LPA: variants seen among roughly 807,000 people sequenced by gnomAD.
The protein encoded by LPA is apolipoprotein(a).
LPA carries 199 observed loss-of-function variants against 197.9 expected under a neutral mutation model. The observed-to-expected ratio is 1.01, with a 90% CI of 0.90 to 1.13. The LOEUF (loss-of-function observed/expected upper bound fraction) is 1.13, where lower values mean the gene tolerates loss of function less well. Among genes scored for constraint, LPA ranks in the 50% most tolerant of loss-of-function variants. LPA has a pLI of 0.00. For synonymous variants in LPA, 715 were observed against 639.5 expected, an observed-to-expected ratio of 1.12 and a Z score of -1.78; for missense variants, 1,853 against 1,785.8, an observed-to-expected ratio of 1.04 and a Z score of -0.68.
rs1562320197 is a variant in LPA at position 160,556,020 on chromosome 6, C to T, written c.4973+5G>A. 6.3e-7 allele frequency: 1 copy of T among 1,594,942 alleles called. No homozygotes were observed. The highest frequency in any genetic ancestry group is 1.3e-5 in the African/African-American group (1 of 74,568). On this transcript the variant is annotated splice_donor_5th_base_variant and intron_variant, in intron 30 of 38. Transcript: ENST00000316300. ...CTCCTCTTACAAGTAACATCAAAGA[C>T]ATACTCATTTGGGTAGTTTTCTGGG...
intron 37 of LPA, among the ~76,000 whole-genome samples, chr6:160,534,616 T>C (rs1471896836): frequency 6.6e-6 from 1 of 152,184 alleles, no homozygotes; most frequent in African/African-American, 2.4e-5. Flanking sequence ...TTGACCTCCT[T>C]CTGAGAAGCT....
chr6:160,615,380 G>A (rs1233856102), intron 14 of LPA, among the ~76,000 whole-genome samples: 2 of 126,880 alleles, frequency 1.6e-5, no homozygotes, highest in South Asian at 5.5e-4. Context: ...GTGTGTGTGT[G>A]TGTGTAGCTC....
At chr6:160,604,989 A>G (rs1332559217) in intron 18 of LPA, 57 bp downstream of exon 18, 15 of 1,607,980 alleles carry the variant, frequency 9.3e-6, no homozygotes. Flanking sequence ...GCATGACTCT[A>G]CTAACAGAAA....
intron 1 of LPA, among the ~76,000 whole-genome samples, chr6:160,657,980 A>G (rs1157124160): frequency 6.6e-6 from 1 of 152,176 alleles, no homozygotes; most frequent in Admixed American, 6.5e-5. Context: ...GTCTAGAAGC[A>G]TTCAGGGGCA....
intron 1 of LPA, 78 bp downstream of exon 1, chr6:160,664,088 T>A (rs2315129): frequency 0.21 from 260,737 of 1,260,810 alleles, 35,278 homozygotes; most frequent in African/African-American, 0.51. Flanking sequence ...GAATTGCACA[T>A]AAAGCCATGG....
chr6:160,589,504 A>G, intron 24 of LPA, 49 bp downstream of exon 24: 1 of 1,607,358 alleles, frequency 6.2e-7, no homozygotes. Flanking sequence ...CTTCCAGGAG[A>G]AATTTAAGTG....
At chr6:160,606,902 C>T (rs138272117) in intron 16 of LPA, among the ~76,000 whole-genome samples, 42 of 152,304 alleles carry the variant, frequency 2.8e-4, no homozygotes, top group African/African-American at 9.4e-4. Flanking sequence ...CTTAGAAACA[C>T]TGAGATAATA....
At position 160,595,377 on chromosome 6, in the gene LPA, C is replaced by T; in HGVS notation, c.3446G>A (p.Ser1149Asn). ...ACCTTCTTCAGAAGAAGCCTCTGTG[C>T]TTGGATCTGGGACCACCGTGAGAGT... is the stretch of plus-strand genomic sequence containing the variant. Reference protein sequence around the residue: ...LATLTVVPDPSTEASSEEAPT... With the variant: ...LATLTVVPDPNTEASSEEAPT... The change falls in exon 21 of 39, where the codon AGC (serine) becomes AAC (asparagine). Residue 1149 changes from serine to asparagine, a missense_variant. Coordinates refer to ENST00000316300, the MANE Select transcript of LPA (RefSeq NM_005577.4). 6.2e-7 allele frequency: 1 copy of T among 1,612,954 alleles called. No homozygotes were observed. Among genetic ancestry groups the T allele is most frequent in the African/African-American group, 1.3e-5 (1 of 74,990 alleles).
Position 160,606,519 on chromosome 6 carries a change from T to C in LPA, c.2743A>G (p.Thr915Ala). 6.2e-7 allele frequency: 1 copy of C among 1,613,540 alleles called. No individual in the cohort carries two copies. Among genetic ancestry groups the C allele is most frequent in the South Asian group, 1.1e-5 (1 of 91,046 alleles). The change falls in exon 17 of 39, where the codon ACT (threonine) becomes GCT (alanine). Residue 915 changes from threonine to alanine, a missense_variant. Physicochemically the swap from Thr to Ala is moderately conservative, Grantham distance 58 (BLOSUM62 0). This residue lies in a region of LPA where 1,737 missense variants were observed against 1,504.4 expected (regional missense o/e 1.15). Transcript: ENST00000316300. ...TCTAGGCTTGGAATCGGGGTAATAGTTGGAGGCGCGACGGCAGTCCCTTCT... is the reference window on the plus strand; with the variant it reads ...TCTAGGCTTGGAATCGGGGTAATAGCTGGAGGCGCGACGGCAGTCCCTTCT... ...DAEGTAVAPP[T>A]ITPIPSLEAP...
At chr6:160,610,709 C>T (rs566634000) in intron 16 of LPA, among the ~76,000 whole-genome samples, 5 of 152,128 alleles carry the variant, frequency 3.3e-5, no homozygotes, top group Non-Finnish European at 7.3e-5. Context: ...TCCCAAACTC[C>T]AATCCCTCTC....
rs1434674471 is a variant in LPA, at chr6:160,589,683, C to T, written c.3817G>A (p.Asp1273Asn). The change falls in exon 24 of 39, where the codon GAC (aspartate) becomes AAC (asparagine). Residue 1273 changes from aspartate (D) to asparagine (N), a missense_variant. Transcript: ENST00000316300. Reference protein sequence around the residue: ...APTEQSPTVQDCYHGDGQSYR... With the variant: ...APTEQSPTVQNCYHGDGQSYR... ...CTCTGTCCATCACCATGGTAGCAGT[C>T]CTGGACTGTGGGGCTTTGCTCCGTT... 4 of 1,613,884 alleles carry T rather than the reference C, an allele frequency of 2.5e-6. No individual in the cohort carries two copies. The highest frequency in any genetic ancestry group is 3.4e-6 in the Non-Finnish European group (4 of 1,179,848).
At chr6:160,565,811 A>C (rs1261951532) in intron 28 of LPA, among the ~76,000 whole-genome samples, 2 of 152,206 alleles carry the variant, frequency 1.3e-5, no homozygotes, top group African/African-American at 4.8e-5. Flanking sequence ...AGACTAAAAT[A>C]AACAGCATAG....
At chr6:160,544,363 A>C (rs1236875050) in intron 33 of LPA, among the ~76,000 whole-genome samples, 2 of 152,198 alleles carry the variant, frequency 1.3e-5, no homozygotes, top group African/African-American at 4.8e-5. Context: ...AAAATAGAAC[A>C]AAAGCACCCA....
chr6:160,550,323 A>G (rs1778148301), intron 30 of LPA, among the ~76,000 whole-genome samples: 1 of 152,078 alleles, frequency 6.6e-6, no homozygotes, highest in Non-Finnish European at 1.5e-5. Context: ...CCAACCTCTC[A>G]GAATCCTCAC....
intron 19 of LPA, among the ~76,000 whole-genome samples, chr6:160,600,095 C>T (rs754135412): frequency 2.0e-5 from 3 of 152,136 alleles, no homozygotes; most frequent in African/African-American, 4.8e-5. Context: ...TGCATGTGTC[C>T]CTAGATGATT....
chr6:160,563,633 T>C (rs1433212809), intron 28 of LPA, among the ~76,000 whole-genome samples: 3 of 152,224 alleles, frequency 2.0e-5, no homozygotes, highest in Admixed American at 6.5e-5. Context: ...GTTAATTTTC[T>C]GTCACGTCGA....
chr6:160,646,839 G>T (rs1779889713), intron 2 of LPA, among the ~76,000 whole-genome samples: 1 of 150,302 alleles, frequency 6.7e-6, no homozygotes, highest in African/African-American at 2.5e-5. Context: ...ATTCTAATGT[G>T]GGAGTTGCAA....
At position 160,662,510 on chromosome 6, in the gene LPA, C is replaced by A. The variant is rs1393657971; in HGVS notation, c.49+1656G>T. 2.6e-5 allele frequency among the ~76,000 whole-genome samples: 4 copies of A among 151,248 alleles called. No individual in the cohort carries two copies. In the East Asian group the frequency reaches 5.8e-4, roughly 22 times the overall value. The stretch of plus-strand genomic sequence containing the variant: ...CCAAAAGAGCTTATCAGAGAATGTG[C>A]CCCCCAGGTCGATTAAAACATATGT... On this transcript the variant is annotated intron_variant, in intron 1 of 38. Coordinates refer to ENST00000316300, the MANE Select transcript of LPA (RefSeq NM_005577.4).
At chr6:160,561,416 A>T (rs567538031) in intron 28 of LPA, among the ~76,000 whole-genome samples, 91 of 152,180 alleles carry the variant, frequency 6.0e-4, no homozygotes, top group African/African-American at 2.2e-3. Flanking sequence ...GTTCTGTTCT[A>T]TTGGTCTATA....
Sources: gnomAD v4.1 joint callset for allele counts (sites outside exome capture counted in the v4.1 genomes callset) on GRCh38, gnomAD v4.1.1 for gene constraint, gnomAD v4.1.1 regional missense constraint, MANE v1.5 for transcripts, NCBI Gene and HGNC (gene_info 2026-07-23, HGNC 2026-07-21) for gene names.